The following RBM12 variants were observed in gnomAD, a reference collection of about 807,000 sequenced individuals.
RBM12 encodes the protein RNA binding motif protein 12, also known as RNA-binding protein 12.
Under a neutral mutation model 37.2 loss-of-function variants are expected in RBM12, and 24 were observed. The ratio of observed to expected loss-of-function variants is 0.65; its 90% CI spans 0.47 to 0.91. The LOEUF is 0.91. Among genes scored for constraint, RBM12 ranks in the 40% least tolerant of loss-of-function variants. The probability of loss-of-function intolerance (pLI) is 0.00; values close to 1 mark genes in which losing one functional copy is unlikely to be tolerated. For missense variants in RBM12, 1,061 were observed against 1,183.2 expected (o/e 0.90, Z 1.52); for synonymous variants, 420 against 425.2 (o/e 0.99, Z 0.15).
In RBM12 at chr20:35,653,030, G is replaced by C; in HGVS notation, c.2293C>G (p.Leu765Val). 6.2e-7 allele frequency: 1 copy of C among 1,613,816 alleles called. No individual in the cohort carries two copies. The highest frequency in any genetic ancestry group is 1.7e-5 in the Admixed American group (1 of 60,032). ...PSVGNSGLPG[L>V]GLDVPGFGGG... ...CCAAAACCCGGAACATCCAGTCCTA[G>C]ACCAGGCAAACCACTGTTTCCAACT... The change falls in exon 3 of 3, where the codon CTA becomes GTA. Residue 765 changes from leucine (L) to valine (V), a missense_variant. Physicochemically the swap from Leu to Val is conservative, Grantham distance 32. Transcript: ENST00000374114.
At chr20:35,660,100 G>C (rs542735805) in intron 1 of RBM12, among the ~76,000 whole-genome samples, 1 of 152,308 alleles carries the variant, frequency 6.6e-6, no homozygotes, top group African/African-American at 2.4e-5. Flanking sequence ...CTAAAGAATA[G>C]TGAGATGGTT....
intron 2 of RBM12, among the ~76,000 whole-genome samples, chr20:35,655,800 CAA>C (rs1454622102): frequency 1.3e-5 from 2 of 152,220 alleles, no homozygotes; most frequent in South Asian, 2.1e-4. Context: ...ATAGAATTAT[CAA>C]GAGTGTGATT....
rs1356959113 is a variant in RBM12, at chr20:35,651,488, T to C, written c.*1036A>G. ...ACCAGCATACGGATCTTTTATTCTA[T>C]ACTACTACTGCTAACAAAGATAATT... On this transcript the variant is annotated 3_prime_UTR_variant, in exon 3 of 3. Transcript: ENST00000374114. 2 of 152,248 alleles carry C rather than the reference T, an allele frequency of 1.3e-5. No homozygotes were observed. Among genetic ancestry groups the C allele is most frequent in the African/African-American group, 4.8e-5 (2 of 41,474 alleles). The allele number at this position is 152,248 out of a possible 1,614,324, so 9.4% of individuals were successfully genotyped here.
In RBM12 at chr20:35,655,123, G is replaced by A. The variant is rs772384174; in HGVS notation, c.200C>T (p.Ser67Leu). Residue 67 changes from serine (S) to leucine (L), a missense_variant, in exon 3 of 3, where the codon TCA (serine) becomes TTA (leucine). Ser to Leu is a moderately radical substitution (Grantham distance 145). Coordinates refer to ENST00000374114, the MANE Select transcript of RBM12 (RefSeq NM_006047.6). Reference sequence around the variant, plus strand: ...ACTACTCAACAATAGTGTTACTTTTGACCCTTTAATTGTACCACCTGTGCG... The same window carrying A: ...ACTACTCAACAATAGTGTTACTTTTAACCCTTTAATTGTACCACCTGTGCG... The part of the protein sequence containing the change: ...MMRTGGTIKG[S>L]KVTLLLSSKT... 21 of 1,613,934 alleles carry A rather than the reference G, an allele frequency of 1.3e-5. No individual in the cohort carries two copies. The highest frequency in any genetic ancestry group is 1.8e-5 in the Non-Finnish European group (21 of 1,180,034).
chr20:35,655,963 C>T (rs185886578), intron 2 of RBM12, among the ~76,000 whole-genome samples: 1 of 152,214 alleles, frequency 6.6e-6, no homozygotes, highest in East Asian at 1.9e-4. Context: ...TTCAATCTGC[C>T]TTGTACATTA....
rs767631496 is a variant in RBM12 at position 35,653,153 on chromosome 20, G to C, written c.2170C>G (p.Pro724Ala). ...EANNGPPFNF[P>A]GNFGGSNAFG... ...GCATTTGATCCACCAAAATTACCAG[G>C]AAAGTTAAATGGAGGCCCATTATTG... The change falls in exon 3 of 3, where the codon CCT becomes GCT. Residue 724 changes from proline (P) to alanine (A), a missense_variant. Physicochemically the swap from Pro to Ala is conservative, Grantham distance 27. Transcript: ENST00000374114. The C allele has an allele frequency of 1.2e-6, 2 of 1,613,476 alleles. No homozygotes were observed. The highest frequency in any genetic ancestry group is 8.5e-7 in the Non-Finnish European group (1 of 1,180,044).
chr20:35,659,360 G>A (rs531517747), intron 1 of RBM12, among the ~76,000 whole-genome samples: 40 of 152,222 alleles, frequency 2.6e-4, no homozygotes, highest in Admixed American at 2.0e-3. Flanking sequence ...AGAAAACTCC[G>A]TAACACAAGT....
Position 35,649,583 on chromosome 20 carries a change from G to A in RBM12, c.*2941C>T, listed in dbSNP as rs2033356389. 1.3e-5 allele frequency: 2 copies of A among 152,540 alleles called. No homozygotes were observed. The highest frequency in any genetic ancestry group is 2.9e-5 in the Non-Finnish European group (2 of 68,000). The allele number at this position is 152,540 out of a possible 1,614,324, so 9.4% of individuals were successfully genotyped here. The stretch of plus-strand genomic sequence containing the variant: ...TTAACACTGTTTCATTTTTTAAAAA[G>A]CCACTAATAATAATTGTACATCCAA... On this transcript the variant is annotated 3_prime_UTR_variant, in exon 3 of 3. Coordinates refer to ENST00000374114, the MANE Select transcript of RBM12 (RefSeq NM_006047.6).
rs764288455 is a variant in RBM12 at position 35,653,269 on chromosome 20, G to A, written c.2054C>T (p.Ala685Val). The change falls in exon 3 of 3, where the codon GCA becomes GTA. Residue 685 changes from alanine to valine, a missense_variant. Transcript: ENST00000374114. Reference protein sequence around the residue: ...TGLPGSAITSAGLPGAGMPSA... With the variant: ...TGLPGSAITSVGLPGAGMPSA... ...GGGCATTCCCGCACCAGGCAGTCCTGCACTGGTTATTGCTGAACCAGGCAG... is the reference window on the plus strand; with the variant it reads ...GGGCATTCCCGCACCAGGCAGTCCTACACTGGTTATTGCTGAACCAGGCAG... The A allele has an allele frequency of 4.3e-6, 7 of 1,613,510 alleles. No homozygotes were observed. The South Asian group carries it at 6.6e-5, about 15-fold the overall frequency.
In RBM12 at chr20:35,655,145, T is replaced by G; in HGVS notation, c.178A>C (p.Thr60Pro). ...DEDARLGMMR[T>P]GGTIKGSKVT... The stretch of plus-strand genomic sequence containing the variant: ...TTTGACCCTTTAATTGTACCACCTG[T>G]GCGCATCATACCAAGCCTTGCATCT... The change falls in exon 3 of 3, where the codon ACA becomes CCA. Residue 60 changes from threonine (T) to proline (P), a missense_variant. Physicochemically the swap from Thr to Pro is conservative, Grantham distance 38. Coordinates refer to ENST00000374114, the MANE Select transcript of RBM12 (RefSeq NM_006047.6). 1.2e-6 allele frequency: 2 copies of G among 1,614,224 alleles called. No individual in the cohort carries two copies. The highest frequency in any genetic ancestry group is 1.7e-6 in the Non-Finnish European group (2 of 1,180,050).
intron 1 of RBM12, among the ~76,000 whole-genome samples, chr20:35,660,794 G>A (rs78412521): frequency 0.039 from 5,974 of 152,226 alleles, 136 homozygotes; most frequent in African/African-American, 0.059. Flanking sequence ...GCATATGCCT[G>A]AATATAAGGT....
At position 35,650,004 on chromosome 20, in the gene RBM12, C is replaced by T. The variant is rs778619063; in HGVS notation, c.*2520G>A. ...CAAACCTAGTTCTTAGGAGAAAATT[C>T]GCAGGAAGAGAGGTATGAGTAGTTT... On this transcript the variant is annotated 3_prime_UTR_variant, in exon 3 of 3. Transcript: ENST00000374114. 1.3e-5 allele frequency: 2 copies of T among 152,498 alleles called. No homozygotes were observed. Among genetic ancestry groups the T allele is most frequent in the African/African-American group, 4.8e-5 (2 of 41,402 alleles). The allele number at this position is 152,498 out of a possible 1,614,324, so 9.4% of individuals were successfully genotyped here.
chr20:35,651,785 T>C lies in RBM12; in HGVS notation c.*739A>G, dbSNP rs577028396. On this transcript the variant is annotated 3_prime_UTR_variant, in exon 3 of 3. Coordinates refer to ENST00000374114, the MANE Select transcript of RBM12 (RefSeq NM_006047.6). ...AGGCTCTGGTAGATAAAGGACTCCA[T>C]AGTTTATTTTTATGGCAAAAGTCTT... The C allele has an allele frequency of 6.5e-6, 1 of 152,792 alleles. No individual in the cohort carries two copies. Among genetic ancestry groups the C allele is most frequent in the Non-Finnish European group, 1.5e-5 (1 of 68,030 alleles). The allele number at this position is 152,792 out of a possible 1,614,324, so 9.5% of individuals were successfully genotyped here.
At position 35,649,444 on chromosome 20, in the gene RBM12, G is replaced by GCCA. The variant is rs2033347295; in HGVS notation, c.*3079_*3080insTGG. On this transcript the variant is annotated 3_prime_UTR_variant, in exon 3 of 3. Coordinates refer to ENST00000374114, the MANE Select transcript of RBM12 (RefSeq NM_006047.6). ...GATTTTCATCCAGTGGGTTAAGACTGGCCTTAACTACACTGAATATTACTA... is the reference window on the plus strand; with the variant it reads ...GATTTTCATCCAGTGGGTTAAGACTGCCAGCCTTAACTACACTGAATATTACTA... The GCCA allele has an allele frequency of 6.6e-6, 1 of 152,400 alleles. No individual in the cohort carries two copies. Among genetic ancestry groups the GCCA allele is most frequent in the South Asian group, 2.1e-4 (1 of 4,828 alleles). The allele number at this position is 152,400 out of a possible 1,614,324, so 9.4% of individuals were successfully genotyped here. A position where few individuals can be genotyped will look rare whatever the true frequency, so the allele number is the denominator to read the frequency against.
intron 2 of RBM12, among the ~76,000 whole-genome samples, chr20:35,656,299 C>T (rs1396701410): frequency 2.0e-5 from 3 of 152,196 alleles, no homozygotes; most frequent in Non-Finnish European, 4.4e-5. Flanking sequence ...ACCTACACAA[C>T]TCCTACAGGA....
intron 2 of RBM12, 80 bp from the exon 3 acceptor site, chr20:35,655,424 C>T: frequency 8.5e-7 from 1 of 1,179,908 alleles, no homozygotes; most frequent in Non-Finnish European, 1.2e-6. Flanking sequence ...TGACCAGCTA[C>T]CATATTAGGC....
intron 1 of RBM12, chr20:35,664,212 G>A (rs1174246978): frequency 6.6e-6 from 1 of 152,284 alleles, no homozygotes; most frequent in African/African-American, 2.4e-5. Context: ...GGCCGGTTGT[G>A]ACACTTCCTT....
At chr20:35,663,415 T>C (rs1405252657) in intron 1 of RBM12, among the ~76,000 whole-genome samples, 1 of 152,184 alleles carries the variant, frequency 6.6e-6, no homozygotes, top group Admixed American at 6.5e-5. Flanking sequence ...TTTCAAACCA[T>C]TCAAGCAAGA....
At position 35,649,513 on chromosome 20, in the gene RBM12, G is replaced by C. The variant is rs2033352578; in HGVS notation, c.*3011C>G. 1 of 152,616 alleles carries C rather than the reference G, an allele frequency of 6.6e-6. No individual in the cohort carries two copies. The highest frequency in any genetic ancestry group is 2.4e-5 in the African/African-American group (1 of 41,532). 9.5% of individuals were successfully genotyped at this position (152,616 alleles called of 1,614,324 possible). On this transcript the variant is annotated 3_prime_UTR_variant, in exon 3 of 3. Transcript: ENST00000374114. ...GTTTCCTAATCGAATTTTCATTGTT[G>C]ATGCTTTGACAACTTGGAGTACAAA...
Sources: gnomAD v4.1 joint callset for allele counts (sites outside exome capture counted in the v4.1 genomes callset) on GRCh38, gnomAD v4.1.1 for gene constraint, MANE v1.5 for transcripts, NCBI Gene and HGNC (gene_info 2026-07-23, HGNC 2026-07-21) for gene names.